OTUD7A: variants seen among roughly 807,000 people sequenced by gnomAD.
OTUD7A encodes the protein OTU domain-containing protein 7A.
OTUD7A carries 12 observed loss-of-function variants against 65.7 expected under a neutral mutation model. That is an observed-to-expected ratio of 0.18 (90% CI 0.12 to 0.30). The LOEUF is 0.30. OTUD7A is among the 10% of genes least tolerant of loss of function. OTUD7A has a pLI of 1.00. For missense variants in OTUD7A, 1,148 were observed against 1,304.8 expected, an observed-to-expected ratio of 0.88 and a Z score of 1.85; for synonymous variants, 641 against 586.3, an observed-to-expected ratio of 1.09 and a Z score of -1.35.
chr15:31,615,950 C>T (rs1890572404), intron 3 of OTUD7A, among the ~76,000 whole-genome samples: 1 of 152,242 alleles, frequency 6.6e-6, no homozygotes, highest in South Asian at 2.1e-4. Context: ...CCCTCACCTT[C>T]TCTCTCCCCT....
intron 3 of OTUD7A, among the ~76,000 whole-genome samples, chr15:31,611,541 C>T (rs1444668578): frequency 6.6e-6 from 1 of 152,128 alleles, no homozygotes; most frequent in Non-Finnish European, 1.5e-5. Context: ...TCTTTACTCA[C>T]ATACTAGAAA....
Position 31,483,532 on chromosome 15 carries a change from G to C in OTUD7A, c.2564C>G (p.Ser855Trp). ...GCCGAAGCCGTTGGTGTAGGTCTGC[G>C]ACTTGTGCTCGGCCGCCCCCGCCGT... ...AGTAGAAEHK[S>W]QTYTNGFGAL... is the part of the protein sequence containing the mutation. Residue 855 changes from serine to tryptophan, a missense_variant, in exon 13 of 13, where the codon TCG becomes TGG. Coordinates refer to ENST00000307050, the MANE Select transcript of OTUD7A (RefSeq NM_001382637.1). The C allele has an allele frequency of 2.2e-6, 3 of 1,377,228 alleles. No homozygotes were observed. Among genetic ancestry groups the C allele is most frequent in the Non-Finnish European group, 2.8e-6 (3 of 1,061,628 alleles). 85.3% of individuals were successfully genotyped at this position (1,377,228 alleles called of 1,614,324 possible). A position where few individuals can be genotyped will look rare whatever the true frequency, so the allele number is the denominator to read the frequency against.
chr15:31,855,755 G>A (rs1897555386), intron 1 of OTUD7A, among the ~76,000 whole-genome samples: 1 of 152,206 alleles, frequency 6.6e-6, no homozygotes, highest in Admixed American at 6.5e-5. Context: ...TTCAACCCCT[G>A]AGTGAGCAGA....
chr15:31,566,410 C>CA (rs1223568733), intron 4 of OTUD7A, among the ~76,000 whole-genome samples: 1 of 151,876 alleles, frequency 6.6e-6, no homozygotes, highest in Non-Finnish European at 1.5e-5. Context: ...ACAAAGAGAG[C>CA]AACAAATTGA....
rs975221336 is a variant in OTUD7A, at chr15:31,478,324, C to G, written c.*4970G>C. On this transcript the variant is annotated 3_prime_UTR_variant, in exon 13 of 13. Coordinates refer to ENST00000307050, the MANE Select transcript of OTUD7A (RefSeq NM_001382637.1). Reference sequence around the variant, plus strand: ...TCTTAAAACCAAATGGTACTCTTCGCCTTATGTTAAACTAACAAATTATGT... The same window carrying G: ...TCTTAAAACCAAATGGTACTCTTCGGCTTATGTTAAACTAACAAATTATGT... 1 of 151,510 alleles carries G rather than the reference C, an allele frequency of 6.6e-6. No homozygotes were observed. Among genetic ancestry groups the G allele is most frequent in the African/African-American group, 2.4e-5 (1 of 41,330 alleles). 9.4% of individuals were successfully genotyped at this position (151,510 alleles called of 1,614,324 possible). A position where few individuals can be genotyped will look rare whatever the true frequency, so the allele number is the denominator to read the frequency against.
chr15:31,617,743 T>G (rs929704851), intron 3 of OTUD7A, among the ~76,000 whole-genome samples: 22 of 152,086 alleles, frequency 1.4e-4, no homozygotes, highest in Admixed American at 1.4e-3. Flanking sequence ...AGTCACAGTT[T>G]GATTTGATTT....
At position 31,684,612 on chromosome 15, in the gene OTUD7A, T is replaced by C. The variant is rs1398321660; in HGVS notation, c.-99-27535A>G. ...TTCACAGAATTGTTTCTGAGGGTTG[T>C]TGAACTAAGAAGCTCAGTTCTTTGC... On this transcript the variant is annotated intron_variant, in intron 1 of 12. Coordinates refer to ENST00000307050, the MANE Select transcript of OTUD7A (RefSeq NM_001382637.1). Among the ~76,000 whole-genome samples the C allele has an allele frequency of 2.1e-5, 3 of 144,766 alleles. No individual in the cohort carries two copies. In the East Asian group the frequency reaches 5.9e-4, roughly 29 times the overall value. 95.0% of individuals were successfully genotyped at this position (144,766 alleles called of 152,430 possible).
Position 31,843,858 on chromosome 15 carries a change from G to A in OTUD7A, c.-100+26649C>T, listed in dbSNP as rs16955968. On this transcript the variant is annotated intron_variant, in intron 1 of 12. Transcript: ENST00000307050. ...CTTTGATGGTCCCCGATACACTGGA[G>A]TCATGTTTACTCCCTGCTAAACCAC... Among the ~76,000 whole-genome samples the A allele has an allele frequency of 2.1e-3, 326 of 152,294 alleles. 1 individual carries two copies. Among genetic ancestry groups the A allele is most frequent in the African/African-American group, 7.6e-3 (315 of 41,562 alleles).
intron 8 of OTUD7A, among the ~76,000 whole-genome samples, chr15:31,515,200 G>A (rs1176462239): frequency 6.6e-6 from 1 of 152,176 alleles, no homozygotes; most frequent in African/African-American, 2.4e-5. Flanking sequence ...GGCAGTGCTG[G>A]AAAGAGAGGA....
chr15:31,573,932 C>T (rs1429971065), intron 3 of OTUD7A, among the ~76,000 whole-genome samples: 2 of 152,042 alleles, frequency 1.3e-5, no homozygotes, highest in African/African-American at 2.4e-5. Context: ...AACAAAACTA[C>T]AGTTGACAGG....
chr15:31,610,741 C>A (rs1890392219), intron 3 of OTUD7A, among the ~76,000 whole-genome samples: 1 of 149,836 alleles, frequency 6.7e-6, no homozygotes, highest in Non-Finnish European at 1.5e-5. Flanking sequence ...CCTGCCTCAG[C>A]CTCCCAAGTA....
intron 1 of OTUD7A, among the ~76,000 whole-genome samples, chr15:31,799,216 T>C (rs1412388820): frequency 6.6e-6 from 1 of 152,200 alleles, no homozygotes; most frequent in Non-Finnish European, 1.5e-5. Context: ...TGTGCGGGCC[T>C]GCAGGCCATG....
chr15:31,836,224 G>C (rs1268706654), intron 1 of OTUD7A, among the ~76,000 whole-genome samples: 1 of 151,898 alleles, frequency 6.6e-6, no homozygotes, highest in Non-Finnish European at 1.5e-5. Context: ...GTGATGTTCG[G>C]TGGTAACATT....
At chr15:31,633,675 A>T (rs1267795391) in intron 3 of OTUD7A, among the ~76,000 whole-genome samples, 2 of 152,098 alleles carry the variant, frequency 1.3e-5, no homozygotes, top group African/African-American at 2.4e-5. Context: ...TGCTGCCATG[A>T]CCACCCTTCA....
intron 1 of OTUD7A, among the ~76,000 whole-genome samples, chr15:31,867,467 C>G (rs1897907313): frequency 6.6e-6 from 1 of 152,138 alleles, no homozygotes; most frequent in Non-Finnish European, 1.5e-5. Context: ...GGAATTACTT[C>G]CTAAGTGGAC....
At chr15:31,592,771 T>C (rs1889766599) in intron 3 of OTUD7A, among the ~76,000 whole-genome samples, 1 of 146,816 alleles carries the variant, frequency 6.8e-6, no homozygotes, top group South Asian at 2.2e-4. Context: ...TCCCAGCTAC[T>C]TGCAAGGCTG....
chr15:31,568,034 A>C (rs1372659019), intron 4 of OTUD7A, among the ~76,000 whole-genome samples: 1 of 152,244 alleles, frequency 6.6e-6, no homozygotes, highest in Non-Finnish European at 1.5e-5. Flanking sequence ...GGGCAGTGCC[A>C]AGGGGAAATG....
intron 1 of OTUD7A, among the ~76,000 whole-genome samples, chr15:31,814,484 C>T (rs958244095): frequency 2.0e-5 from 3 of 152,044 alleles, no homozygotes; most frequent in East Asian, 1.9e-4. Context: ...AAACAAGAGC[C>T]TTAACATTTA....
chr15:31,685,520 G>A (rs992808423), intron 1 of OTUD7A, among the ~76,000 whole-genome samples: 10 of 152,098 alleles, frequency 6.6e-5, no homozygotes, highest in African/African-American at 1.9e-4. Flanking sequence ...TTAGCCGGGC[G>A]TGGTGGCGGG....
Sources: gnomAD v4.1 joint callset for allele counts (sites outside exome capture counted in the v4.1 genomes callset) on GRCh38, gnomAD v4.1.1 for gene constraint, MANE v1.5 for transcripts, NCBI Gene and HGNC (gene_info 2026-07-23, HGNC 2026-07-21) for gene names.